PEMT: variants seen among roughly 807,000 people sequenced by gnomAD.
PEMT encodes phosphatidylethanolamine N-methyltransferase, also known as phospholipid methyltransferase.
In PEMT, 23 loss-of-function variants were observed where a neutral mutation model predicts 27.4. That is an observed-to-expected ratio of 0.84 (90% CI 0.60 to 1.19). The LOEUF (loss-of-function observed/expected upper bound fraction) is 1.19. Ranked by LOEUF, PEMT falls within the 50% of genes most tolerant of loss-of-function variation. PEMT has a pLI of 0.00. For synonymous variants in PEMT, 137 were observed against 139.1 expected (o/e 0.98, Z 0.11); for missense variants, 307 against 310.1 (o/e 0.99, Z 0.07).
intron 2 of PEMT, among the ~76,000 whole-genome samples, chr17:17,559,378 G>C (rs80023682): frequency 2.0e-5 from 3 of 152,220 alleles, no homozygotes; most frequent in Non-Finnish European, 4.4e-5. Flanking sequence ...TGACCTGCTC[G>C]AGGCAGGCAG....
At position 17,561,277 on chromosome 17, in the gene PEMT, C is replaced by A. The variant is rs1205208101; in HGVS notation, c.204+15643G>T. On this transcript the variant is annotated intron_variant, in intron 2 of 6. Coordinates refer to ENST00000255389, the MANE Select transcript of PEMT (RefSeq NM_148172.3). This position sits in a 1 kb window ranked among gnomAD's most constrained non-coding sequence, Gnocchi z 4.5. ...TCCTCACACGACCCAGGAGGTGGAA[C>A]CTACAGGTAACCCTCTTTCACAGTT... 6.6e-6 allele frequency among the ~76,000 whole-genome samples: 1 copy of A among 152,182 alleles called. No individual in the cohort carries two copies. Among genetic ancestry groups the A allele is most frequent in the Non-Finnish European group, 1.5e-5 (1 of 68,038 alleles).
At chr17:17,563,622 T>C (rs929885470) in intron 2 of PEMT, among the ~76,000 whole-genome samples, 1 of 152,222 alleles carries the variant, frequency 6.6e-6, no homozygotes, top group African/African-American at 2.4e-5. Flanking sequence ...ATTGCTTTAT[T>C]ACAACCATGC....
At chr17:17,565,060 A>C (rs1910738995) in intron 2 of PEMT, among the ~76,000 whole-genome samples, 1 of 152,130 alleles carries the variant, frequency 6.6e-6, no homozygotes, top group Admixed American at 6.5e-5. Context: ...CTGGTTTTGA[A>C]AACTGTGGCT....
intron 2 of PEMT, among the ~76,000 whole-genome samples, chr17:17,560,670 G>T (rs796848256): frequency 4.6e-5 from 7 of 152,244 alleles, no homozygotes; most frequent in African/African-American, 1.7e-4. Context: ...AACCAAACTG[G>T]CCCTTGAGGA....
chr17:17,550,166 A>G (rs1025810346), intron 2 of PEMT, among the ~76,000 whole-genome samples: 1 of 151,982 alleles, frequency 6.6e-6, no homozygotes, highest in Non-Finnish European at 1.5e-5. Context: ...TGTGCTCCCC[A>G]CCACCCCCCT....
chr17:17,568,777 G>A (rs1453507159), intron 2 of PEMT, among the ~76,000 whole-genome samples: 1 of 152,184 alleles, frequency 6.6e-6, no homozygotes, highest in African/African-American at 2.4e-5. Context: ...TGAGGGAGCT[G>A]CAGGTGAGGA....
chr17:17,572,731 T>C (rs1368373872), intron 2 of PEMT, among the ~76,000 whole-genome samples: 1 of 152,238 alleles, frequency 6.6e-6, no homozygotes, highest in African/African-American at 2.4e-5. Context: ...CAATAAACAT[T>C]TGAAGAATGT....
In PEMT at chr17:17,570,412, A is replaced by G. The variant is rs561174329; in HGVS notation, c.204+6508T>C. 8.9e-5 allele frequency: 60 copies of G among 672,316 alleles called. No homozygotes were observed. In the African/African-American group the frequency reaches 1.1e-3, roughly 13 times the overall value. The allele number at this position is 672,316 out of a possible 1,614,324, so 41.6% of individuals were successfully genotyped here. ...CAGGCAATGTCTGGAAACCACTCAG[A>G]TGGCCTGGGCTTGGGGTACTACTGA... On this transcript the variant is annotated intron_variant, in intron 2 of 6. Transcript: ENST00000255389.
intron 2 of PEMT, among the ~76,000 whole-genome samples, chr17:17,544,279 C>T (rs1443011517): frequency 2.7e-5 from 4 of 145,844 alleles, no homozygotes; most frequent in Admixed American, 6.8e-5. Flanking sequence ...GTTTCTTTTT[C>T]TTTTCTTTTT....
At chr17:17,586,341 G>A (rs2142764523) in intron 1 of PEMT, among the ~76,000 whole-genome samples, 1 of 150,970 alleles carries the variant, frequency 6.6e-6, no homozygotes, top group Non-Finnish European at 1.5e-5. Context: ...CCTGAGCAGC[G>A]CCATCCAGTG....
In PEMT at chr17:17,513,570, G is replaced by A. The variant is rs762312743; in HGVS notation, c.321-916C>T. ...TGCACTCCAGCCTGGGCAATAGAGC[G>A]AGACTTAGTATCAAAAGAAAAAAGA... On this transcript the variant is annotated intron_variant, in intron 3 of 6. Coordinates refer to ENST00000255389, the MANE Select transcript of PEMT (RefSeq NM_148172.3). This position sits in a 1 kb window ranked among gnomAD's most constrained non-coding sequence, Gnocchi z 4.1. 9.9e-5 allele frequency among the ~76,000 whole-genome samples: 15 copies of A among 152,254 alleles called. No homozygotes were observed. Among genetic ancestry groups the A allele is most frequent in the Non-Finnish European group, 1.6e-4 (11 of 68,026 alleles).
chr17:17,542,204 C>T (rs971923867), intron 2 of PEMT, among the ~76,000 whole-genome samples: 20 of 148,630 alleles, frequency 1.3e-4, no homozygotes, highest in Non-Finnish European at 2.5e-4. Flanking sequence ...TGGTCTCAAA[C>T]TCCTGACCTC....
intron 2 of PEMT, among the ~76,000 whole-genome samples, chr17:17,549,767 T>C (rs2142638409): frequency 6.6e-6 from 1 of 152,360 alleles, no homozygotes; most frequent in East Asian, 1.9e-4. Context: ...GCTGTGACAA[T>C]CTGTCCATCC....
At chr17:17,559,121 C>T (rs1910284280) in intron 2 of PEMT, among the ~76,000 whole-genome samples, 1 of 152,162 alleles carries the variant, frequency 6.6e-6, no homozygotes, top group Non-Finnish European at 1.5e-5. Context: ...AAACTGAGTC[C>T]CAGAGGCCCG....
rs947874922 is a variant in PEMT at position 17,507,469 on chromosome 17, G to T, written c.579-1168C>A. 4 of 503,580 alleles carry T rather than the reference G, an allele frequency of 7.9e-6. No homozygotes were observed. The South Asian group carries it at 1.2e-4, about 15-fold the overall frequency. 31.2% of individuals were successfully genotyped at this position (503,580 alleles called of 1,614,324 possible). ...CCTTCCACCCCTGGACCTCACACTG[G>T]TCTGCCTGTCTGGGAGCTGCAGGAG... On this transcript the variant is annotated intron_variant, in intron 5 of 6. Transcript: ENST00000255389.
intron 2 of PEMT, among the ~76,000 whole-genome samples, chr17:17,546,124 C>T (rs1204854191): frequency 6.6e-6 from 1 of 152,210 alleles, no homozygotes; most frequent in Non-Finnish European, 1.5e-5. Flanking sequence ...CGAGCCTCCC[C>T]ACACCTCCCT....
chr17:17,576,857 G>C, intron 2 of PEMT, 63 bp downstream of exon 2: 3 of 1,322,596 alleles, frequency 2.3e-6, no homozygotes, highest in East Asian at 4.6e-5. Context: ...GCGATCCCCT[G>C]CATGTGGGGC....
chr17:17,514,503 C>T (rs779634027), intron 3 of PEMT, among the ~76,000 whole-genome samples: 5 of 152,214 alleles, frequency 3.3e-5, no homozygotes, highest in African/African-American at 1.2e-4. Context: ...GCGGGCACAC[C>T]GACCTGTTAA....
chr17:17,566,272 G>C (rs907782418), intron 2 of PEMT, among the ~76,000 whole-genome samples: 5 of 152,198 alleles, frequency 3.3e-5, no homozygotes, highest in African/African-American at 1.2e-4. Flanking sequence ...GAGAAAGTGG[G>C]GAACAGCCAA....
Sources: allele counts gnomAD v4.1 joint callset (sites outside exome capture counted in the v4.1 genomes callset), GRCh38; gene constraint gnomAD v4.1.1; non-coding constraint Gnocchi (gnomAD v3.1); transcripts MANE v1.5; gene names NCBI Gene and HGNC (gene_info 2026-07-23, HGNC 2026-07-21).